The following AKAP13 variants were observed in gnomAD, a reference collection of about 807,000 sequenced individuals.
The protein encoded by AKAP13 is A-kinase anchoring protein 13.
In AKAP13, 80 loss-of-function variants were observed where a neutral mutation model predicts 264.5. The ratio of observed to expected loss-of-function variants is 0.30; its 90% CI spans 0.25 to 0.36. The LOEUF is 0.36. AKAP13 is among the 10% of genes least tolerant of loss of function. The pLI is 1.00. For synonymous variants in AKAP13, 1,380 were observed against 1,250.2 expected (o/e 1.10, Z -2.19); for missense variants, 3,712 against 3,435.2 (o/e 1.08, Z -2.01).
At chr15:85,605,591 TAACA>T (rs1018004180) in intron 8 of AKAP13, among the ~76,000 whole-genome samples, 6 of 152,334 alleles carry the variant, frequency 3.9e-5, no homozygotes, top group East Asian at 3.9e-4. Context: ...TTTACCTATG[TAACA>T]AACCTCCCGA....
At chr15:85,478,608 G>C (rs2075253757) in intron 1 of AKAP13, among the ~76,000 whole-genome samples, 1 of 152,082 alleles carries the variant, frequency 6.6e-6, no homozygotes, top group South Asian at 2.1e-4. Flanking sequence ...CGTTGCTGTT[G>C]TTTTAATTTG....
Position 85,748,139 on chromosome 15 carries a change from C to T in AKAP13, c.*3462C>T, listed in dbSNP as rs1194409972. On this transcript the variant is annotated 3_prime_UTR_variant, in exon 37 of 37. Transcript: ENST00000394518. ...CTCTTTTTCTGTAGCCAGGTCTTCC[C>T]AAGGATTTTAGTATTTGCATTGGAG... is the stretch of plus-strand genomic sequence containing the variant. 6.6e-6 allele frequency: 1 copy of T among 152,114 alleles called. No individual in the cohort carries two copies. The highest frequency in any genetic ancestry group is 1.5e-5 in the Non-Finnish European group (1 of 68,028). The allele number at this position is 152,114 out of a possible 1,614,324, so 9.4% of individuals were successfully genotyped here.
chr15:85,533,612 G>T lies in AKAP13; in HGVS notation c.210G>T (p.Val70=). The change falls in exon 4 of 37, where the codon GTG becomes GTT. Residue 70 remains valine (V), a synonymous_variant. Transcript: ENST00000394518. ...PGHDCCETVK[V]QLCASKEGLP... ...ATGATTGTTGTGAAACAGTGAAGGTGCAGCTCTGTGCTTCCAAAGAGGGCC... is the reference window on the plus strand; with the variant it reads ...ATGATTGTTGTGAAACAGTGAAGGTTCAGCTCTGTGCTTCCAAAGAGGGCC... 6.2e-7 allele frequency: 1 copy of T among 1,613,358 alleles called. No individual in the cohort carries two copies. Among genetic ancestry groups the T allele is most frequent in the Non-Finnish European group, 8.5e-7 (1 of 1,179,596 alleles).
chr15:85,481,762 C>T (rs1258039146), intron 1 of AKAP13, among the ~76,000 whole-genome samples: 1 of 152,180 alleles, frequency 6.6e-6, no homozygotes, highest in South Asian at 2.1e-4. Flanking sequence ...TACTAGGCAA[C>T]CTGTAGGGTT....
At chr15:85,604,633 T>C (rs1365344371) in intron 8 of AKAP13, among the ~76,000 whole-genome samples, 2 of 152,006 alleles carry the variant, frequency 1.3e-5, no homozygotes, top group Non-Finnish European at 2.9e-5. Flanking sequence ...CCAGCTAATT[T>C]TTGTATTTTT....
chr15:85,511,251 G>A (rs1303735483), intron 2 of AKAP13, among the ~76,000 whole-genome samples: 3 of 151,962 alleles, frequency 2.0e-5, no homozygotes, highest in African/African-American at 4.8e-5. Flanking sequence ...CTGTTTCTCT[G>A]GATCCATTTC....
intron 33 of AKAP13, among the ~76,000 whole-genome samples, chr15:85,738,679 A>C (rs1191522121): frequency 6.6e-6 from 1 of 151,500 alleles, no homozygotes; most frequent in Non-Finnish European, 1.5e-5. Flanking sequence ...TCTACTAAAA[A>C]TACAAAAAAT....
At chr15:85,601,661 C>G (rs1169393567) in intron 8 of AKAP13, among the ~76,000 whole-genome samples, 1 of 58,120 alleles carries the variant, frequency 1.7e-5, no homozygotes, top group African/African-American at 6.3e-5. Flanking sequence ...TTTCTTCCAG[C>G]TATTCTTGTA....
At chr15:85,661,857 A>C (rs1053874990) in intron 12 of AKAP13, among the ~76,000 whole-genome samples, 2 of 151,888 alleles carry the variant, frequency 1.3e-5, no homozygotes, top group Non-Finnish European at 2.9e-5. Context: ...TATCATGCAG[A>C]ATCTATTAAT....
intron 1 of AKAP13, among the ~76,000 whole-genome samples, chr15:85,402,572 T>C (rs374567724): frequency 6.6e-6 from 1 of 152,246 alleles, no homozygotes; most frequent in Non-Finnish European, 1.5e-5. Context: ...GAAATTAAAA[T>C]ACTTTTTAGC....
intron 8 of AKAP13, among the ~76,000 whole-genome samples, chr15:85,606,089 ACTTTTTTTTTTTTTT>A (rs927412524): frequency 5.2e-5 from 3 of 57,568 alleles, no homozygotes; most frequent in African/African-American, 7.2e-5. Flanking sequence ...GGTTTGATCT[ACTTTTTTTTTTTTTT>A]TTTTTTTTTT....
chr15:85,434,022 G>C (rs1337814546), intron 1 of AKAP13, among the ~76,000 whole-genome samples: 2 of 152,020 alleles, frequency 1.3e-5, no homozygotes, highest in African/African-American at 4.8e-5. Flanking sequence ...CAGCGTGAGC[G>C]ACGCAGAAGA....
At chr15:85,625,660 A>G (rs1021698703) in intron 8 of AKAP13, among the ~76,000 whole-genome samples, 6 of 152,136 alleles carry the variant, frequency 3.9e-5, no homozygotes, top group African/African-American at 1.4e-4. Context: ...CCAGGAGTTC[A>G]AGACCAGCCT....
At chr15:85,665,096 G>A (rs1273420308) in intron 13 of AKAP13, among the ~76,000 whole-genome samples, 2 of 152,070 alleles carry the variant, frequency 1.3e-5, no homozygotes, top group East Asian at 3.9e-4. Flanking sequence ...CCAGCTACTC[G>A]GGAGGCTGAG....
intron 16 of AKAP13, among the ~76,000 whole-genome samples, chr15:85,692,470 TGAG>T (rs893795700): frequency 1.7e-4 from 26 of 151,560 alleles, no homozygotes; most frequent in African/African-American, 4.9e-4. Context: ...ACGCTATTAC[TGAG>T]TAGTAGTAGT....
intron 2 of AKAP13, among the ~76,000 whole-genome samples, chr15:85,497,036 A>G (rs1265407425): frequency 5.3e-5 from 8 of 152,216 alleles, no homozygotes; most frequent in African/African-American, 1.7e-4. Context: ...ACAAAGGTCA[A>G]AGACTTTTCA....
At chr15:85,578,188 C>A (rs374813100) in intron 6 of AKAP13, among the ~76,000 whole-genome samples, 1 of 152,126 alleles carries the variant, frequency 6.6e-6, no homozygotes, top group Non-Finnish European at 1.5e-5. Flanking sequence ...GAGGCTGAGG[C>A]GGCAGGGTCA....
intron 1 of AKAP13, among the ~76,000 whole-genome samples, chr15:85,404,077 A>G (rs1327868476): frequency 6.6e-6 from 1 of 152,130 alleles, no homozygotes; most frequent in Non-Finnish European, 1.5e-5. Flanking sequence ...GGTTGTTGTT[A>G]CCATAGTATA....
chr15:85,388,145 C>G (rs183975516), intron 1 of AKAP13, among the ~76,000 whole-genome samples: 4 of 151,792 alleles, frequency 2.6e-5, no homozygotes, highest in Non-Finnish European at 5.9e-5. Flanking sequence ...AAGTGATTCT[C>G]GTGCCTCAGC....
Sources: allele counts gnomAD v4.1 joint callset (sites outside exome capture counted in the v4.1 genomes callset), GRCh38; gene constraint gnomAD v4.1.1; transcripts MANE v1.5; gene names NCBI Gene and HGNC (gene_info 2026-07-23, HGNC 2026-07-21).